The following AMER3 variants were observed in gnomAD, a reference collection of about 807,000 sequenced individuals.
AMER3 encodes family with sequence similarity 123C.
For synonymous variants in AMER3, 541 were observed against 485.5 expected, an observed-to-expected ratio of 1.11 and a Z score of -1.50; for missense variants, 1,201 against 1,139.4, an observed-to-expected ratio of 1.05 and a Z score of -0.78.
At chr2:130,758,428 AGGAG>A (rs1260020738) in intron 1 of AMER3, among the ~76,000 whole-genome samples, 1 of 151,436 alleles carries the variant, frequency 6.6e-6, no homozygotes, top group African/African-American at 2.4e-5. Flanking sequence ...GAAAGAAAGA[AGGAG>A]GGAGGGAAGG....
rs746067730 is a variant in AMER3 at position 130,762,589 on chromosome 2, G to A, written c.517G>A (p.Asp173Asn). The A allele has an allele frequency of 1.9e-6, 3 of 1,613,040 alleles. No individual in the cohort carries two copies. Among genetic ancestry groups the A allele is most frequent in the African/African-American group, 1.3e-5 (1 of 74,926 alleles). Reference sequence around the variant, plus strand: ...CCACATTCGGAGAAACAAGACTGAGGACTTGGCCTCGCTGGCGGCCGAGGG... The same window carrying A: ...CCACATTCGGAGAAACAAGACTGAGAACTTGGCCTCGCTGGCGGCCGAGGG... ...LFHIRRNKTE[D>N]LASLAAEGKS... The change falls in exon 2 of 2, where the codon GAC becomes AAC. Residue 173 changes from aspartate (D) to asparagine (N), a missense_variant. Asp to Asn is a conservative substitution (Grantham distance 23). Transcript: ENST00000321420.
At position 130,763,240 on chromosome 2, in the gene AMER3, T is replaced by G. The variant is rs749464045; in HGVS notation, c.1168T>G (p.Ser390Ala). The G allele has an allele frequency of 4.3e-6, 7 of 1,613,670 alleles. No homozygotes were observed. Among genetic ancestry groups the G allele is most frequent in the Non-Finnish European group, 5.9e-6 (7 of 1,180,002 alleles). The change falls in exon 2 of 2, where the codon TCC (serine) becomes GCC (alanine). Residue 390 changes from serine (S) to alanine (A), a missense_variant. Physicochemically the swap from Ser to Ala is moderately conservative, Grantham distance 99 (BLOSUM62 1). Transcript: ENST00000321420. ...CACAAGTGACGAGGGCTACTATGAT[T>G]CCTTCTCGCCAGGACTTGAGGAGGA... ...VSTSDEGYYDSFSPGLEEDKK... is the reference protein window; with the variant it reads ...VSTSDEGYYDAFSPGLEEDKK...
At chr2:130,759,059 G>A (rs1295268059) in intron 1 of AMER3, among the ~76,000 whole-genome samples, 1 of 152,240 alleles carries the variant, frequency 6.6e-6, no homozygotes, top group Non-Finnish European at 1.5e-5. Context: ...CAAAGAGACA[G>A]GTTCCGATAA....
rs1482130198 is a variant in AMER3 at position 130,764,078 on chromosome 2, C to T, written c.2006C>T (p.Ala669Val). The T allele has an allele frequency of 6.2e-7, 1 of 1,612,050 alleles. No individual in the cohort carries two copies. Among genetic ancestry groups the T allele is most frequent in the Admixed American group, 1.7e-5 (1 of 59,724 alleles). ...RPGHGGDTLD[A>V]EPMLAGCVAR... ...GGTCACGGAGGTGACACTCTGGATGCAGAGCCCATGCTGGCAGGCTGTGTG... is the reference window on the plus strand; with the variant it reads ...GGTCACGGAGGTGACACTCTGGATGTAGAGCCCATGCTGGCAGGCTGTGTG... Residue 669 changes from alanine to valine, a missense_variant, in exon 2 of 2, where the codon GCA (alanine) becomes GTA (valine). Physicochemically the swap from Ala to Val is moderately conservative, Grantham distance 64. Transcript: ENST00000321420.
chr2:130,761,414 C>T (rs1678777409), intron 1 of AMER3, among the ~76,000 whole-genome samples: 2 of 152,226 alleles, frequency 1.3e-5, no homozygotes, highest in African/African-American at 4.8e-5. Flanking sequence ...GCCTGCCCAC[C>T]CTGTGTCCCA....
Position 130,764,596 on chromosome 2 carries a change from C to A in AMER3, c.2524C>A (p.Leu842Ile), listed in dbSNP as rs1172348688. 2 of 1,606,702 alleles carry A rather than the reference C, an allele frequency of 1.2e-6. No homozygotes were observed. The highest frequency in any genetic ancestry group is 3.4e-5 in the Admixed American group (2 of 59,334). Residue 842 changes from leucine to isoleucine, a missense_variant, in exon 2 of 2, where the codon CTC becomes ATC. Coordinates refer to ENST00000321420, the MANE Select transcript of AMER3 (RefSeq NM_152698.3). ...CTGCAGCCTCCTGGCCCGTGAGGGC[C>A]TCCTCTGTGGCCAGCCAGAAGTGGG... ...CRCSLLAREG[L>I]LCGQPEVGAS...
In AMER3 at chr2:130,764,217, C is replaced by A. The variant is rs137899242; in HGVS notation, c.2145C>A (p.Asp715Glu). Residue 715 changes from aspartate to glutamate, a missense_variant, in exon 2 of 2, where the codon GAC (aspartate) becomes GAA (glutamate). Transcript: ENST00000321420. ...LFGQRWARGPDMLEQKQSSSS... is the reference protein window; with the variant it reads ...LFGQRWARGPEMLEQKQSSSS... ...GGCAGCGCTGGGCCAGGGGCCCTGA[C>A]ATGCTGGAGCAGAAACAGTCCAGCA... 3.0e-5 allele frequency: 48 copies of A among 1,609,106 alleles called. No homozygotes were observed. The highest frequency in any genetic ancestry group is 4.0e-5 in the Non-Finnish European group (47 of 1,177,720).
Position 130,763,690 on chromosome 2 carries a change from C to A in AMER3, c.1618C>A (p.Pro540Thr), listed in dbSNP as rs767787582. The A allele has an allele frequency of 6.5e-7, 1 of 1,540,942 alleles. No homozygotes were observed. Among genetic ancestry groups the A allele is most frequent in the Non-Finnish European group, 8.7e-7 (1 of 1,147,614 alleles). The change falls in exon 2 of 2, where the codon CCC (proline) becomes ACC (threonine). Residue 540 changes from proline to threonine, a missense_variant. Coordinates refer to ENST00000321420, the MANE Select transcript of AMER3 (RefSeq NM_152698.3). ...PPGSQGAPRA[P>T]TEKLGGREGL... is the part of the protein sequence containing the mutation. The stretch of plus-strand genomic sequence containing the variant: ...TGGTTCCCAGGGAGCCCCTAGGGCA[C>A]CCACAGAGAAGCTGGGGGGCAGGGA...
At chr2:130,761,815 G>A (rs1678789094) in intron 1 of AMER3, among the ~76,000 whole-genome samples, 1 of 152,202 alleles carries the variant, frequency 6.6e-6, no homozygotes, top group Non-Finnish European at 1.5e-5. Flanking sequence ...GCTAAAAGGG[G>A]GATTGGGAGA....
rs370830797 is a variant in AMER3, at chr2:130,762,313, C to T, written c.241C>T (p.Leu81Phe). The change falls in exon 2 of 2, where the codon CTC (leucine) becomes TTC (phenylalanine). Residue 81 changes from leucine (L) to phenylalanine (F), a missense_variant. Physicochemically the swap from Leu to Phe is conservative, Grantham distance 22. Transcript: ENST00000321420. ...QLDPKGGPAALCGATFKPVRK... is the reference protein window; with the variant it reads ...QLDPKGGPAAFCGATFKPVRK... ...GGACCCCAAAGGGGGACCCGCAGCC[C>T]TCTGTGGAGCCACCTTCAAACCGGT... 4 of 1,607,032 alleles carry T rather than the reference C, an allele frequency of 2.5e-6. No individual in the cohort carries two copies. Among genetic ancestry groups the T allele is most frequent in the African/African-American group, 2.7e-5 (2 of 74,878 alleles).
Position 130,766,761 on chromosome 2 carries a change from CCA to C in AMER3, c.*2106_*2107del, listed in dbSNP as rs1678994166. The C allele has an allele frequency of 6.0e-6, 1 of 166,314 alleles. No homozygotes were observed. The highest frequency in any genetic ancestry group is 1.5e-5 in the Non-Finnish European group (1 of 68,136). The allele number at this position is 166,314 out of a possible 1,614,324, so 10.3% of individuals were successfully genotyped here. Reference sequence around the variant, plus strand: ...TAAAATGTCTCAAAATCTCAGCCTCCCACAGTGCTGGATGACAGGAGTGAGCC... The same window carrying C: ...TAAAATGTCTCAAAATCTCAGCCTCCCAGTGCTGGATGACAGGAGTGAGCC... On this transcript the variant is annotated 3_prime_UTR_variant, in exon 2 of 2. Transcript: ENST00000321420.
At chr2:130,759,032 C>T (rs1374867035) in intron 1 of AMER3, among the ~76,000 whole-genome samples, 1 of 152,234 alleles carries the variant, frequency 6.6e-6, no homozygotes, top group African/African-American at 2.4e-5. Flanking sequence ...CCACCCCCAT[C>T]ATAGGTCACA....
At chr2:130,759,113 G>A (rs1351588689) in intron 1 of AMER3, among the ~76,000 whole-genome samples, 1 of 152,210 alleles carries the variant, frequency 6.6e-6, no homozygotes, top group African/African-American at 2.4e-5. Flanking sequence ...ACAGACTAGA[G>A]TTCATGGGAT....
rs79187172 is a variant in AMER3 at position 130,762,858 on chromosome 2, T to C, written c.786T>C (p.Ser262=). The change falls in exon 2 of 2, where the codon TCT becomes TCC. Residue 262 remains serine, a synonymous_variant. Coordinates refer to ENST00000321420, the MANE Select transcript of AMER3 (RefSeq NM_152698.3). ...TCGCAGATGAGAGCTCGGTGCCATC[T>C]CTGGAGCTGAACGAGGGCCCGGAGA... The part of the protein sequence containing the change: ...EVFADESSVP[S]LELNEGPESP... 1.3e-3 allele frequency: 2,091 copies of C among 1,613,380 alleles called. 23 individuals carry two copies. The African/African-American group carries it at 0.023, about 18-fold the overall frequency.
At position 130,762,135 on chromosome 2, in the gene AMER3, C is replaced by T. The variant is rs1427842517; in HGVS notation, c.63C>T (p.Pro21=). The T allele has an allele frequency of 1.9e-6, 3 of 1,610,336 alleles. No homozygotes were observed. The East Asian group carries it at 6.7e-5, about 36-fold the overall frequency. Residue 21 remains proline, a synonymous_variant, in exon 2 of 2, where the codon CCC becomes CCT. Coordinates refer to ENST00000321420, the MANE Select transcript of AMER3 (RefSeq NM_152698.3). ...KSSLQVSHEK[P]PDPAAVAAAR... is the part of the protein sequence containing the mutation. ...GCCTGCAGGTTTCCCACGAGAAACCCCCAGACCCAGCAGCCGTGGCTGCAG... is the reference window on the plus strand; with the variant it reads ...GCCTGCAGGTTTCCCACGAGAAACCTCCAGACCCAGCAGCCGTGGCTGCAG...
chr2:130,761,406 C>T (rs1183634719), intron 1 of AMER3, among the ~76,000 whole-genome samples: 2 of 152,244 alleles, frequency 1.3e-5, no homozygotes, highest in Non-Finnish European at 2.9e-5. Context: ...GCAGCTCTGC[C>T]TGCCCACCCT....
rs983772806 is a variant in AMER3, at chr2:130,763,052, C to T, written c.980C>T (p.Pro327Leu). 2.9e-5 allele frequency: 47 copies of T among 1,612,946 alleles called. No homozygotes were observed. In the Middle Eastern group the frequency reaches 1.3e-3, roughly 45 times the overall value. The change falls in exon 2 of 2, where the codon CCG (proline) becomes CTG (leucine). Residue 327 changes from proline (P) to leucine (L), a missense_variant. Coordinates refer to ENST00000321420, the MANE Select transcript of AMER3 (RefSeq NM_152698.3). ...CAGCAGCAGCGTGCCCTCCTAGGCC[C>T]GTGGCTTTCAGGCCCCCAGGGGACA... ...VRQQQRALLG[P>L]WLSGPQGTDR... is the part of the protein sequence containing the mutation.
chr2:130,756,117 C>G (rs1161417083), intron 1 of AMER3, among the ~76,000 whole-genome samples: 1 of 149,538 alleles, frequency 6.7e-6, no homozygotes, highest in Admixed American at 6.7e-5. Flanking sequence ...GGAGCAGCCC[C>G]CACCGCGGCC....
intron 1 of AMER3, 147 bp from the exon 2 acceptor site, chr2:130,761,907 C>T (rs1678790466): frequency 2.5e-6 from 2 of 805,140 alleles, no homozygotes; most frequent in African/African-American, 1.7e-5. Flanking sequence ...TAGGGCTGCT[C>T]CCATCTTTCT....
Sources: gnomAD v4.1 joint callset for allele counts (sites outside exome capture counted in the v4.1 genomes callset) on GRCh38, gnomAD v4.1.1 for gene constraint, MANE v1.5 for transcripts, NCBI Gene and HGNC (gene_info 2026-07-23, HGNC 2026-07-21) for gene names.